TAOK3: variants seen among roughly 807,000 people sequenced by gnomAD.
TAOK3 encodes TAO kinase 3, also known as serine/threonine-protein kinase TAO3.
TAOK3 carries 40 observed loss-of-function variants against 120.4 expected under a neutral mutation model. The ratio of observed to expected loss-of-function variants is 0.33; its 90% confidence interval spans 0.26 to 0.43. The LOEUF (loss-of-function observed/expected upper bound fraction) is 0.43, where lower values mean the gene tolerates loss of function less well. Ranked by LOEUF, TAOK3 falls within the 20% of genes least tolerant of loss-of-function variation. The pLI, the probability that TAOK3 is intolerant of heterozygous loss-of-function variation, is 1.00. For synonymous variants in TAOK3, 355 were observed against 387.5 expected, an observed-to-expected ratio of 0.92 and a Z score of 0.99; for missense variants, 821 against 1,112.1, an observed-to-expected ratio of 0.74 and a Z score of 3.72.
chr12:118,205,813 G>C (rs1177331973), intron 11 of TAOK3, among the ~76,000 whole-genome samples: 1 of 151,888 alleles, frequency 6.6e-6, no homozygotes, highest in Non-Finnish European at 1.5e-5. Flanking sequence ...GTTTCACTAT[G>C]TTGGCCAGGC....
chr12:118,221,585 T>C (rs1339817127), intron 9 of TAOK3, among the ~76,000 whole-genome samples: 1 of 151,948 alleles, frequency 6.6e-6, no homozygotes, highest in African/African-American at 2.4e-5. Context: ...AGAATAGGAA[T>C]TGGGAACGCT....
At chr12:118,208,006 A>G (rs114416626) in intron 11 of TAOK3, among the ~76,000 whole-genome samples, 156 of 152,278 alleles carry the variant, frequency 1.0e-3, no homozygotes, top group African/African-American at 3.6e-3. Flanking sequence ...TAAAGGCTTT[A>G]CGAGATTGAA....
chr12:118,287,627 G>C lies in TAOK3; in HGVS notation c.-193-20868C>G, dbSNP rs754779096. On this transcript the variant is annotated intron_variant, in intron 1 of 20. Transcript: ENST00000392533. ...TGATCAAGTGGTTTAACTTCTCTAA[G>C]CCTCAGTTTTCCTGGTCTTGGAGTT... Among the ~76,000 whole-genome samples the C allele has an allele frequency of 3.3e-5, 5 of 152,228 alleles. No individual in the cohort carries two copies. The East Asian group carries it at 5.8e-4, about 18-fold the overall frequency.
At chr12:118,259,394 A>G (rs1273817063) in intron 2 of TAOK3, among the ~76,000 whole-genome samples, 9 of 152,116 alleles carry the variant, frequency 5.9e-5, no homozygotes, top group Non-Finnish European at 1.3e-4. Context: ...ACAAAAACTT[A>G]GCTGTGTATG....
chr12:118,306,822 G>C (rs1296254622), intron 1 of TAOK3, among the ~76,000 whole-genome samples: 2 of 152,148 alleles, frequency 1.3e-5, no homozygotes, highest in Non-Finnish European at 2.9e-5. Flanking sequence ...TGCTTCATCA[G>C]TACATTCAAA....
chr12:118,235,535 T>C, intron 8 of TAOK3, 23 bp downstream of exon 8: 1 of 1,575,438 alleles, frequency 6.3e-7, no homozygotes, highest in African/African-American at 1.3e-5. Context: ...TAAAACTATG[T>C]CATATAGCCT....
chr12:118,251,577 G>A (rs1046685641), intron 3 of TAOK3, among the ~76,000 whole-genome samples: 6 of 152,136 alleles, frequency 3.9e-5, no homozygotes, highest in Non-Finnish European at 7.3e-5. Context: ...TACTGTAAAT[G>A]AGATCGTGCC....
At chr12:118,231,784 G>A (rs962760259) in intron 9 of TAOK3, among the ~76,000 whole-genome samples, 7 of 151,914 alleles carry the variant, frequency 4.6e-5, no homozygotes, top group African/African-American at 4.8e-5. Flanking sequence ...TTAGCCAGGC[G>A]TGGTGGTGCA....
At chr12:118,315,828 G>C (rs2043437723) in intron 1 of TAOK3, among the ~76,000 whole-genome samples, 1 of 151,986 alleles carries the variant, frequency 6.6e-6, no homozygotes, top group Non-Finnish European at 1.5e-5. Context: ...AAATTGGTTA[G>C]GGTAAAAGGA....
At chr12:118,201,623 A>G (rs2038029168) in intron 11 of TAOK3, among the ~76,000 whole-genome samples, 160 bp from the exon 12 acceptor site, 1 of 152,220 alleles carries the variant, frequency 6.6e-6, no homozygotes, top group Admixed American at 6.5e-5. Context: ...CATATTTTGT[A>G]AATCTCATAA....
intron 5 of TAOK3, among the ~76,000 whole-genome samples, chr12:118,240,720 A>G (rs2040215031): frequency 6.6e-6 from 1 of 152,120 alleles, no homozygotes; most frequent in Admixed American, 6.6e-5. Context: ...TTCAGCAACC[A>G]ATCTCCACAC....
intron 17 of TAOK3, among the ~76,000 whole-genome samples, chr12:118,163,448 T>TGG (rs1555209282): frequency 5.6e-5 from 7 of 123,904 alleles, no homozygotes; most frequent in Non-Finnish European, 8.5e-5. Flanking sequence ...ACTTTTTTTT[T>TGG]GGGGGGGGTG....
chr12:118,274,020 T>C (rs931195789), intron 1 of TAOK3, among the ~76,000 whole-genome samples: 3 of 152,128 alleles, frequency 2.0e-5, no homozygotes, highest in Non-Finnish European at 2.9e-5. Context: ...ATATATAGTA[T>C]CTTTTTCGAA....
chr12:118,201,119 A>G (rs2037999203), intron 12 of TAOK3, 177 bp downstream of exon 12: 1 of 568,070 alleles, frequency 1.8e-6, no homozygotes, highest in African/African-American at 1.9e-5. Context: ...AGCACTTTTC[A>G]TATTTTGCCT....
intron 14 of TAOK3, among the ~76,000 whole-genome samples, chr12:118,185,313 C>A (rs1481651029): frequency 6.6e-6 from 1 of 152,046 alleles, no homozygotes; most frequent in Non-Finnish European, 1.5e-5. Flanking sequence ...CAAAATTCGG[C>A]CCTAAAACAA....
At chr12:118,171,054 A>G (rs138855732) in intron 17 of TAOK3, among the ~76,000 whole-genome samples, 46 of 152,290 alleles carry the variant, frequency 3.0e-4, no homozygotes, top group African/African-American at 1.1e-3. Flanking sequence ...TCCAGGTCAC[A>G]ATGATTTTCT....
At chr12:118,173,926 CT>C (rs753226727) in intron 16 of TAOK3, among the ~76,000 whole-genome samples, 27 of 152,354 alleles carry the variant, frequency 1.8e-4, no homozygotes, top group Non-Finnish European at 5.9e-5. Flanking sequence ...TGTAAATCAA[CT>C]TTCAACTATC....
At chr12:118,184,932 C>T (rs990272887) in intron 14 of TAOK3, among the ~76,000 whole-genome samples, 1 of 152,134 alleles carries the variant, frequency 6.6e-6, no homozygotes, top group Admixed American at 6.5e-5. Context: ...AGGACTTTCT[C>T]ATGTGAAAGT....
intron 17 of TAOK3, among the ~76,000 whole-genome samples, chr12:118,170,548 G>A (rs2035936529): frequency 6.6e-6 from 1 of 152,184 alleles, no homozygotes; most frequent in Admixed American, 6.5e-5. Context: ...GGTCACTTGA[G>A]CTCAAGAGTT....
Sources: allele counts gnomAD v4.1 joint callset (sites outside exome capture counted in the v4.1 genomes callset), GRCh38; gene constraint gnomAD v4.1.1; transcripts MANE v1.5; gene names NCBI Gene and HGNC (gene_info 2026-07-23, HGNC 2026-07-21).